Variants in ITPR1 observed in about 807,000 individuals in gnomAD.
ITPR1 encodes the protein inositol 1,4,5-trisphosphate receptor type 1, also known as inositol 1,4,5-trisphosphate-gated calcium channel ITPR1.
In ITPR1, 96 loss-of-function variants were observed where a neutral mutation model predicts 318.4. The observed-to-expected ratio is 0.30, with a 90% confidence interval of 0.26 to 0.36. ITPR1 has a LOEUF of 0.36. ITPR1 is among the 10% of genes least tolerant of loss of function. The pLI, the probability that ITPR1 is intolerant of heterozygous loss-of-function variation, is 1.00. For synonymous variants in ITPR1, 1,312 were observed against 1,289.9 expected, an observed-to-expected ratio of 1.02 and a Z score of -0.37; for missense variants, 2,440 against 3,460.2, an observed-to-expected ratio of 0.71 and a Z score of 7.40.
chr3:4,627,732 G>T, intron 4 of ITPR1, 31 bp from the exon 5 acceptor site: 1 of 1,387,706 alleles, frequency 7.2e-7, no homozygotes, highest in South Asian at 1.2e-5. Context: ...CACCCTCAAT[G>T]GCAATTTCTG....
At chr3:4,670,666 T>G in intron 19 of ITPR1, 63 bp from the exon 20 acceptor site, 2 of 1,204,066 alleles carry the variant, frequency 1.7e-6, no homozygotes. Context: ...ATGCTGAAAG[T>G]AAAGCTAGAT....
At chr3:4,604,750 G>C (rs1015147433) in intron 4 of ITPR1, among the ~76,000 whole-genome samples, 1 of 152,104 alleles carries the variant, frequency 6.6e-6, no homozygotes, top group Non-Finnish European at 1.5e-5. Flanking sequence ...GTGACTACCA[G>C]AATAGAGATC....
chr3:4,776,850 C>T (rs1189165224), intron 47 of ITPR1, among the ~76,000 whole-genome samples: 1 of 152,154 alleles, frequency 6.6e-6, no homozygotes, highest in Non-Finnish European at 1.5e-5. Flanking sequence ...AAACAGGAAA[C>T]TTGCTTTCCA....
Position 4,496,314 on chromosome 3 carries a change from C to CGT in ITPR1, c.-17+1808_-17+1809insGT, listed in dbSNP as rs2080560710. Among the ~76,000 whole-genome samples, 4 of 89,714 alleles carry CGT rather than the reference C, an allele frequency of 4.5e-5. No homozygotes were observed. The East Asian group carries it at 1.3e-3, about 28-fold the overall frequency. The allele number at this position is 89,714 out of a possible 152,430, so 58.9% of individuals were successfully genotyped here. A position where few individuals can be genotyped will look rare whatever the true frequency, so the allele number is the denominator to read the frequency against. On this transcript the variant is annotated intron_variant, in intron 2 of 61. Transcript: ENST00000649015. Reference sequence around the variant, plus strand: ...TGTTCTCCATTTTTTCTTTCAAGTTCATGTGTGTGTGTGTGTGTGTGTATG... The same window carrying CGT: ...TGTTCTCCATTTTTTCTTTCAAGTTCGTATGTGTGTGTGTGTGTGTGTGTATG...
intron 24 of ITPR1, among the ~76,000 whole-genome samples, chr3:4,678,055 T>G (rs1430404620): frequency 6.6e-6 from 1 of 152,172 alleles, no homozygotes; most frequent in African/African-American, 2.4e-5. Flanking sequence ...CCATGTTGCC[T>G]GATCTCAACC....
chr3:4,771,798 A>G (rs1019952937), intron 46 of ITPR1, among the ~76,000 whole-genome samples: 7 of 152,286 alleles, frequency 4.6e-5, no homozygotes, highest in East Asian at 1.9e-4. Context: ...AAGATTATCC[A>G]GTTCAGTGCT....
chr3:4,668,152 G>A (rs1266006756), intron 18 of ITPR1, among the ~76,000 whole-genome samples: 1 of 150,784 alleles, frequency 6.6e-6, no homozygotes, highest in East Asian at 1.9e-4. Context: ...CAAACAGTAG[G>A]TCTTATTCAT....
intron 39 of ITPR1, among the ~76,000 whole-genome samples, chr3:4,715,560 A>C (rs554166187): frequency 3.9e-4 from 59 of 152,330 alleles, no homozygotes; most frequent in African/African-American, 1.4e-3. Context: ...TGCCTGTTCA[A>C]GAACTATCAT....
rs192014864 is a variant in ITPR1 at position 4,834,100 on chromosome 3, C to T, written c.8029-2674C>T. Among the ~76,000 whole-genome samples, 154 of 152,202 alleles carry T rather than the reference C, an allele frequency of 1.0e-3. 3 individuals carry two copies. The South Asian group carries it at 0.03, about 30-fold the overall frequency. ...TAGAGATGGAGTCTCACTCTATTGC[C>T]CAGGCCAGTCTCAAACTTCTGGCCT... On this transcript the variant is annotated intron_variant, in intron 60 of 61. Coordinates refer to ENST00000649015, the MANE Select transcript of ITPR1 (RefSeq NM_001378452.1).
At chr3:4,637,594 C>G (rs1029849525) in intron 5 of ITPR1, among the ~76,000 whole-genome samples, 2 of 152,188 alleles carry the variant, frequency 1.3e-5, no homozygotes, top group Non-Finnish European at 2.9e-5. Flanking sequence ...GAATAGCAGA[C>G]TGGTAACTAA....
chr3:4,552,002 T>G (rs901488229), intron 4 of ITPR1, among the ~76,000 whole-genome samples: 1 of 152,280 alleles, frequency 6.6e-6, no homozygotes, highest in African/African-American at 2.4e-5. Context: ...GGTCTCAGGA[T>G]AGCAGAAGTA....
intron 31 of ITPR1, among the ~76,000 whole-genome samples, chr3:4,690,106 A>G (rs1574874036): frequency 1.3e-5 from 2 of 152,174 alleles, no homozygotes; most frequent in Non-Finnish European, 2.9e-5. Flanking sequence ...GTGAAACCTT[A>G]TCTCTATTAA....
At chr3:4,705,091 T>C (rs1213436918) in intron 36 of ITPR1, among the ~76,000 whole-genome samples, 1 of 152,210 alleles carries the variant, frequency 6.6e-6, no homozygotes, top group Admixed American at 6.5e-5. Flanking sequence ...TTTCAGGATG[T>C]TGGAGTTGTT....
At chr3:4,771,784 CA>C (rs1410263542) in intron 46 of ITPR1, among the ~76,000 whole-genome samples, 1 of 151,984 alleles carries the variant, frequency 6.6e-6, no homozygotes, top group Non-Finnish European at 1.5e-5. Context: ...TTGAAGGTAT[CA>C]TAAAGATTAT....
At chr3:4,730,413 G>A (rs962279583) in intron 42 of ITPR1, among the ~76,000 whole-genome samples, 1 of 105,650 alleles carries the variant, frequency 9.5e-6, no homozygotes, top group East Asian at 2.6e-4. Flanking sequence ...GTGTGTGTGT[G>A]TGTGTGTTTC....
chr3:4,721,172 G>GTGTATATATATATATATATA lies in ITPR1; in HGVS notation c.5136+3774_5136+3775insGTATATATATATATATATAT, dbSNP rs1356149562. Among the ~76,000 whole-genome samples, 12 of 125,064 alleles carry GTGTATATATATATATATATA rather than the reference G, an allele frequency of 9.6e-5. No individual in the cohort carries two copies. In the South Asian group the frequency reaches 1.3e-3, roughly 13 times the overall value. The allele number at this position is 125,064 out of a possible 152,430, so 82.0% of individuals were successfully genotyped here. A position where few individuals can be genotyped will look rare whatever the true frequency, so the allele number is the denominator to read the frequency against. ...TGTGTGTAGATACGTGTGTGTGCGT[G>GTGTATATATATATATATATA]TATATATATATATATATATATATAT... On this transcript the variant is annotated intron_variant, in intron 40 of 61. Coordinates refer to ENST00000649015, the MANE Select transcript of ITPR1 (RefSeq NM_001378452.1).
intron 4 of ITPR1, among the ~76,000 whole-genome samples, chr3:4,522,843 C>T (rs546879250): frequency 3.9e-5 from 6 of 152,300 alleles, no homozygotes; most frequent in South Asian, 2.1e-4. Context: ...TTGATACCCT[C>T]GGAACTTAAG....
intron 54 of ITPR1, among the ~76,000 whole-genome samples, chr3:4,805,153 C>T (rs1388320331): frequency 6.6e-6 from 1 of 152,162 alleles, no homozygotes; most frequent in African/African-American, 2.4e-5. Flanking sequence ...TTCATTTTGA[C>T]CAAGAAACCA....
chr3:4,829,244 CTCT>C (rs1316911548), intron 60 of ITPR1, among the ~76,000 whole-genome samples: 3 of 152,204 alleles, frequency 2.0e-5, no homozygotes, highest in Non-Finnish European at 4.4e-5. Context: ...ACAACTGAAA[CTCT>C]TCTTATTACA....
Sources: allele counts gnomAD v4.1 joint callset (sites outside exome capture counted in the v4.1 genomes callset), GRCh38; gene constraint gnomAD v4.1.1; transcripts MANE v1.5; gene names NCBI Gene and HGNC (gene_info 2026-07-23, HGNC 2026-07-21).